Variants in DYSF observed in about 807,000 individuals in gnomAD.
DYSF encodes the protein dystrophy-associated fer-1-like 1.
In DYSF, 212 loss-of-function variants were observed where a neutral mutation model predicts 274.9. The observed-to-expected ratio is 0.77, with a 90% confidence interval of 0.69 to 0.86. The LOEUF (loss-of-function observed/expected upper bound fraction) is 0.86, where lower values mean the gene tolerates loss of function less well. Ranked by LOEUF, DYSF falls within the 40% of genes least tolerant of loss-of-function variation. The pLI, the probability that DYSF is intolerant of heterozygous loss-of-function variation, is 0.00. For missense variants in DYSF, 2,666 were observed against 2,783.2 expected (o/e 0.96, Z 0.95); for synonymous variants, 1,091 against 1,078.7 (o/e 1.01, Z -0.22).
chr2:71,611,107 T>G, intron 36 of DYSF, 138 bp from the exon 37 acceptor site: 1 of 748,072 alleles, frequency 1.3e-6, no homozygotes. Context: ...TGCCTCCCTG[T>G]TTGTCCACTT....
At chr2:71,645,159 A>G (rs965284818) in intron 42 of DYSF, among the ~76,000 whole-genome samples, 9 of 152,200 alleles carry the variant, frequency 5.9e-5, no homozygotes, top group Non-Finnish European at 1.2e-4. Flanking sequence ...CCCCTGCCTT[A>G]TCACAAGCAC....
intron 3 of DYSF, among the ~76,000 whole-genome samples, chr2:71,502,456 C>T (rs1422612470): frequency 1.3e-5 from 2 of 152,144 alleles, no homozygotes; most frequent in Admixed American, 6.5e-5. Flanking sequence ...CCTACAGTCA[C>T]AGGCCACTCA....
intron 13 of DYSF, 42 bp from the exon 14 acceptor site, chr2:71,528,256 G>C (rs1344145069): frequency 6.4e-7 from 1 of 1,563,402 alleles, no homozygotes; most frequent in Admixed American, 1.7e-5. Flanking sequence ...TTTTAGAGGA[G>C]AGACAGCAGG....
At chr2:71,662,713 GTA>G (rs1401184000) in intron 45 of DYSF, among the ~76,000 whole-genome samples, 1 of 150,630 alleles carries the variant, frequency 6.6e-6, no homozygotes, top group African/African-American at 2.5e-5. Flanking sequence ...TGTGTTGTAT[GTA>G]TGTGTGTGTA....
At chr2:71,682,239 C>A (rs1225859259) in intron 54 of DYSF, among the ~76,000 whole-genome samples, 1 of 151,936 alleles carries the variant, frequency 6.6e-6, no homozygotes, top group Non-Finnish European at 1.5e-5. Flanking sequence ...TGGGTGAGGG[C>A]ACCAAGGAAG....
intron 17 of DYSF, among the ~76,000 whole-genome samples, chr2:71,546,341 A>G (rs1480065205): frequency 6.6e-6 from 1 of 152,270 alleles, no homozygotes; most frequent in Non-Finnish European, 1.5e-5. Flanking sequence ...ACTGAACTGT[A>G]AAAACAAGTT....
chr2:71,686,101 G>T (rs534042731), intron 55 of DYSF, among the ~76,000 whole-genome samples: 1 of 152,188 alleles, frequency 6.6e-6, no homozygotes. Flanking sequence ...GAGTCCTCTG[G>T]GCAGTCAGCT....
At position 71,602,848 on chromosome 2, in the gene DYSF, G is replaced by A. The variant is rs201181162; in HGVS notation, c.3957+43G>A. 10 of 1,609,298 alleles carry A rather than the reference G, an allele frequency of 6.2e-6. No individual in the cohort carries two copies. In the East Asian group the frequency reaches 6.7e-5, roughly 11 times the overall value. On this transcript the variant is annotated intron_variant, in intron 36 of 55. Transcript: ENST00000410020. Reference sequence around the variant, plus strand: ...GTTGGGATGGGTGGGCCGAGGTAGAGGGAAGGTGAAGCCAGCCTTCAAGCA... The same window carrying A: ...GTTGGGATGGGTGGGCCGAGGTAGAAGGAAGGTGAAGCCAGCCTTCAAGCA...
At chr2:71,549,511 C>A (rs1021926760) in intron 17 of DYSF, 12 of 981,882 alleles carry the variant, frequency 1.2e-5, no homozygotes, top group Non-Finnish European at 1.6e-5. Context: ...GAGATTCCCC[C>A]ACAAAGGTAA....
intron 10 of DYSF, among the ~76,000 whole-genome samples, chr2:71,518,688 T>C (rs773900629): frequency 6.6e-6 from 1 of 152,168 alleles, no homozygotes; most frequent in African/African-American, 2.4e-5. Flanking sequence ...TCTATCCAAG[T>C]ATATCATGCC....
intron 17 of DYSF, among the ~76,000 whole-genome samples, chr2:71,549,893 G>A (rs1367000002): frequency 1.3e-5 from 2 of 152,214 alleles, no homozygotes; most frequent in Non-Finnish European, 2.9e-5. Flanking sequence ...TGCCCTGTCT[G>A]TGCTGGGGTC....
intron 41 of DYSF, among the ~76,000 whole-genome samples, chr2:71,636,103 G>C (rs1470122057): frequency 2.0e-5 from 3 of 152,196 alleles, no homozygotes; most frequent in African/African-American, 7.2e-5. Context: ...GTTGGCTGCA[G>C]CAGCATGAGT....
chr2:71,470,733 CTTCT>C lies in DYSF; in HGVS notation c.91+3804_91+3807del, dbSNP rs1361908823. Among the ~76,000 whole-genome samples the C allele has an allele frequency of 5.9e-3, 722 of 122,022 alleles. 4 individuals are homozygous for C. Among genetic ancestry groups the C allele is most frequent in the African/African-American group, 0.014 (432 of 31,662 alleles). The allele number at this position is 122,022 out of a possible 152,430, so 80.1% of individuals were successfully genotyped here. Reference sequence around the variant, plus strand: ...CTTCTCTTCCTTCTTTCCTTCCTTCCTTCTTTCCTTCCTTCCTTCCTTCCTTCCT... The same window carrying C: ...CTTCTCTTCCTTCTTTCCTTCCTTCCTTCCTTCCTTCCTTCCTTCCTTCCT... On this transcript the variant is annotated intron_variant, in intron 1 of 55. Coordinates refer to ENST00000410020, the MANE Select transcript of DYSF (RefSeq NM_001130987.2).
At chr2:71,563,648 C>T (rs182700817) in intron 23 of DYSF, among the ~76,000 whole-genome samples, 1 of 152,230 alleles carries the variant, frequency 6.6e-6, no homozygotes, top group East Asian at 1.9e-4. Flanking sequence ...CTGAGGAAGG[C>T]GGGTGGTGTC....
At chr2:71,500,944 C>T (rs911772018) in intron 3 of DYSF, among the ~76,000 whole-genome samples, 3 of 152,124 alleles carry the variant, frequency 2.0e-5, no homozygotes, top group African/African-American at 7.2e-5. Flanking sequence ...TTACTCTGAT[C>T]TCTGATGTCG....
intron 14 of DYSF, among the ~76,000 whole-genome samples, chr2:71,532,233 T>A (rs1222911678): frequency 2.0e-5 from 3 of 152,252 alleles, no homozygotes; most frequent in African/African-American, 4.8e-5. Context: ...AACAACATTG[T>A]GACAAACATC....
At chr2:71,504,872 T>C (rs1432344058) in intron 4 of DYSF, among the ~76,000 whole-genome samples, 1 of 152,230 alleles carries the variant, frequency 6.6e-6, no homozygotes, top group Non-Finnish European at 1.5e-5. Context: ...TCCTGCTCCT[T>C]GTTCCCACAC....
chr2:71,626,858 T>C (rs1384461470), intron 41 of DYSF, among the ~76,000 whole-genome samples: 2 of 151,936 alleles, frequency 1.3e-5, no homozygotes, highest in Non-Finnish European at 2.9e-5. Context: ...TAAAAATGTT[T>C]ATAGGACCTT....
intron 17 of DYSF, chr2:71,549,215 C>A: frequency 1.2e-6 from 1 of 802,342 alleles, no homozygotes; most frequent in Non-Finnish European, 2.1e-6. Context: ...GGCCTCGGGC[C>A]ACATCTGTTT....
Sources: gnomAD v4.1 joint callset for allele counts (sites outside exome capture counted in the v4.1 genomes callset) on GRCh38, gnomAD v4.1.1 for gene constraint, MANE v1.5 for transcripts, NCBI Gene and HGNC (gene_info 2026-07-23, HGNC 2026-07-21) for gene names.